HIVEP3: variants seen among roughly 807,000 people sequenced by gnomAD.
HIVEP3 encodes the protein transcription factor HIVEP3.
Under a neutral mutation model 152.8 loss-of-function variants are expected in HIVEP3, and 49 were observed. The observed-to-expected ratio is 0.32, with a 90% CI of 0.26 to 0.41. HIVEP3 has a LOEUF of 0.41. Among genes scored for constraint, HIVEP3 ranks in the 10% least tolerant of loss-of-function variants. The pLI is 1.00. For synonymous variants in HIVEP3, 1,269 were observed against 1,289.0 expected (o/e 0.98, Z 0.33); for missense variants, 2,790 against 3,103.3 (o/e 0.90, Z 2.40).
intron 1 of HIVEP3, among the ~76,000 whole-genome samples, chr1:41,731,538 T>C (rs1356125512): frequency 6.6e-6 from 1 of 152,230 alleles, no homozygotes; most frequent in Non-Finnish European, 1.5e-5. Context: ...ATGACAGGCA[T>C]GACTTCCATG....
At chr1:41,701,165 G>A (rs1017625408) in intron 1 of HIVEP3, among the ~76,000 whole-genome samples, 170 bp from the exon 2 acceptor site, 5 of 152,172 alleles carry the variant, frequency 3.3e-5, no homozygotes, top group African/African-American at 7.2e-5. Flanking sequence ...AGGTCCCTGC[G>A]GATGAAACCA....
rs142247928 is a variant in HIVEP3 at position 41,751,554 on chromosome 1, G to A, written c.-800-50559C>T. Among the ~76,000 whole-genome samples the A allele has an allele frequency of 4.6e-5, 7 of 152,208 alleles. No homozygotes were observed. The East Asian group carries it at 1.4e-3, about 29-fold the overall frequency. On this transcript the variant is annotated intron_variant, in intron 1 of 8. Coordinates refer to ENST00000372583, the MANE Select transcript of HIVEP3 (RefSeq NM_024503.5). ...GAGGGAAGGGAAGTTCACGAAATGA[G>A]CAGGGTTGACATCACATGAGGCCCC...
At chr1:41,623,895 T>A (rs757496175) in intron 3 of HIVEP3, among the ~76,000 whole-genome samples, 130 of 59,916 alleles carry the variant, frequency 2.2e-3, no homozygotes, top group Non-Finnish European at 3.2e-3. Flanking sequence ...GCTCTCTGCA[T>A]GCCGATCAGA....
At chr1:41,839,432 A>T (rs1643221137) in intron 1 of HIVEP3, among the ~76,000 whole-genome samples, 1 of 152,240 alleles carries the variant, frequency 6.6e-6, no homozygotes. Context: ...GAAAACAGAC[A>T]GGACTCTGCA....
chr1:41,866,168 G>T (rs1643968721), intron 1 of HIVEP3, among the ~76,000 whole-genome samples: 1 of 152,212 alleles, frequency 6.6e-6, no homozygotes, highest in South Asian at 2.1e-4. Flanking sequence ...TCAAAGTGGG[G>T]GGTGCAGCTG....
intron 1 of HIVEP3, among the ~76,000 whole-genome samples, chr1:41,878,079 C>A (rs1644199220): frequency 6.6e-6 from 1 of 152,182 alleles, no homozygotes; most frequent in African/African-American, 2.4e-5. Context: ...AATTTTACAA[C>A]TCCTACAAAG....
In HIVEP3 at chr1:41,583,084, C is replaced by A. The variant is rs770082804; in HGVS notation, c.1714G>T (p.Ala572Ser). The change falls in exon 4 of 9, where the codon GCC becomes TCC. Residue 572 changes from alanine (A) to serine (S), a missense_variant. Transcript: ENST00000372583. The surrounding 1 kb of genome is among the most constrained non-coding windows in gnomAD (Gnocchi z 6.9). ...SFDDHITDSEALSHSSHVFTS... is the reference protein window; with the variant it reads ...SFDDHITDSESLSHSSHVFTS... ...AACACGTGACTGCTGTGGCTCAGGG[C>A]TTCGGAGTCGGTGATATGGTCATCG... 1.2e-6 allele frequency: 2 copies of A among 1,613,666 alleles called. No individual in the cohort carries two copies. Among genetic ancestry groups the A allele is most frequent in the Admixed American group, 3.3e-5 (2 of 59,982 alleles).
At chr1:41,771,316 A>G (rs1026093211) in intron 1 of HIVEP3, among the ~76,000 whole-genome samples, 1 of 152,188 alleles carries the variant, frequency 6.6e-6, no homozygotes, top group Non-Finnish European at 1.5e-5. Flanking sequence ...TTTACTAAAA[A>G]ATAATCCTCT....
At chr1:41,989,301 T>C (rs190724051) in intron 1 of HIVEP3, among the ~76,000 whole-genome samples, 1 of 149,908 alleles carries the variant, frequency 6.7e-6, no homozygotes, top group East Asian at 1.9e-4. Flanking sequence ...TATGTGTACA[T>C]ATATATATAC....
chr1:41,930,206 G>C (rs1644989717), intron 1 of HIVEP3, among the ~76,000 whole-genome samples: 1 of 152,038 alleles, frequency 6.6e-6, no homozygotes, highest in Non-Finnish European at 1.5e-5. Flanking sequence ...CAGATCTATG[G>C]GTTTGACAAA....
intron 1 of HIVEP3, among the ~76,000 whole-genome samples, chr1:41,785,077 A>G (rs1649269736): frequency 6.6e-6 from 1 of 152,186 alleles, no homozygotes; most frequent in Non-Finnish European, 1.5e-5. Flanking sequence ...AAAGGTCTTT[A>G]GACATAGTTC....
chr1:42,020,640 G>A (rs1645548409), intron 1 of HIVEP3, among the ~76,000 whole-genome samples: 1 of 152,028 alleles, frequency 6.6e-6, no homozygotes, highest in Non-Finnish European at 1.5e-5. Flanking sequence ...CATTTAATAA[G>A]TCATTCAAAA....
intron 2 of HIVEP3, among the ~76,000 whole-genome samples, chr1:41,681,828 G>A (rs961669465): frequency 5.3e-5 from 8 of 152,170 alleles, no homozygotes; most frequent in Non-Finnish European, 1.0e-4. Flanking sequence ...TCCTGATATG[G>A]ACTGGCTGCC....
chr1:41,585,774 C>T (rs1427713305), intron 3 of HIVEP3, among the ~76,000 whole-genome samples: 1 of 152,152 alleles, frequency 6.6e-6, no homozygotes, highest in Non-Finnish European at 1.5e-5. Context: ...GGCCCAATGA[C>T]ATTGGAGATG....
chr1:41,776,938 G>A (rs930213219), intron 1 of HIVEP3, among the ~76,000 whole-genome samples: 4 of 152,314 alleles, frequency 2.6e-5, no homozygotes, highest in South Asian at 2.1e-4. Context: ...GACAGCTCTG[G>A]GAGGGACCAG....
At position 41,510,602 on chromosome 1, in the gene HIVEP3, C is replaced by T. The variant is rs1486232491; in HGVS notation, c.7070G>A (p.Cys2357Tyr). ...GAAGCGGGCAGAGGCCTCTGCCAGG[C>T]AGCCCACAGAGCTGCTGCGGTCCAG... ...PPLDRSSSVG[C>Y]LAEASARFPA... The change falls in exon 9 of 9, where the codon TGC (cysteine) becomes TAC (tyrosine). Residue 2357 changes from cysteine to tyrosine, a missense_variant. Cys to Tyr is a radical substitution (Grantham distance 194, BLOSUM62 -2). Transcript: ENST00000372583. 2.6e-6 allele frequency: 4 copies of T among 1,555,518 alleles called. No individual in the cohort carries two copies. The highest frequency in any genetic ancestry group is 3.5e-6 in the Non-Finnish European group (4 of 1,150,364).
chr1:41,530,449 C>T (rs1173879246), intron 5 of HIVEP3, among the ~76,000 whole-genome samples: 1 of 152,256 alleles, frequency 6.6e-6, no homozygotes, highest in Non-Finnish European at 1.5e-5. Flanking sequence ...CCTCCATGCC[C>T]CTGGGACCTG....
intron 2 of HIVEP3, among the ~76,000 whole-genome samples, chr1:41,672,007 G>A (rs1485324531): frequency 2.6e-5 from 4 of 152,170 alleles, no homozygotes; most frequent in African/African-American, 9.7e-5. Context: ...AGTTGAGTTG[G>A]GCCACAACTC....
At position 41,511,149 on chromosome 1, in the gene HIVEP3, TCTC is replaced by T. The variant is rs1644449746; in HGVS notation, c.6520_6522del (p.Glu2174del). ...TGCAGAGGCAGGTGGCTGAAGATGT[TCTC>T]CTCTGTCCGGGCCAGGATGTGGCCG... On this transcript the variant is annotated inframe_deletion, in exon 9 of 9. Transcript: ENST00000372583. This position sits in a 1 kb window ranked among gnomAD's most constrained non-coding sequence, Gnocchi z 4.9. The T allele has an allele frequency of 2.5e-6, 4 of 1,613,860 alleles. No homozygotes were observed. Among genetic ancestry groups the T allele is most frequent in the African/African-American group, 1.3e-5 (1 of 74,866 alleles).
Sources: gnomAD v4.1 joint callset for allele counts (sites outside exome capture counted in the v4.1 genomes callset) on GRCh38, gnomAD v4.1.1 for gene constraint, Gnocchi (gnomAD v3.1) non-coding constraint, MANE v1.5 for transcripts, NCBI Gene and HGNC (gene_info 2026-07-23, HGNC 2026-07-21) for gene names.